SYT16: variants seen among roughly 807,000 people sequenced by gnomAD.
The protein encoded by SYT16 is synaptotagmin-16.
Under a neutral mutation model 61.4 loss-of-function variants are expected in SYT16, and 42 were observed. The observed-to-expected ratio is 0.68, with a 90% CI of 0.53 to 0.89. The LOEUF (loss-of-function observed/expected upper bound fraction) is 0.89, where lower values mean the gene tolerates loss of function less well. SYT16 is among the 40% of genes least tolerant of loss of function. The pLI, the probability that SYT16 is intolerant of heterozygous loss-of-function variation, is 0.00. For missense variants in SYT16, 804 were observed against 807.3 expected (o/e 1.00, Z 0.05); for synonymous variants, 314 against 302.3 (o/e 1.04, Z -0.40).
intron 1 of SYT16, among the ~76,000 whole-genome samples, chr14:61,925,723 T>C (rs1285393586): frequency 1.3e-5 from 2 of 152,184 alleles, no homozygotes; most frequent in East Asian, 1.9e-4. Context: ...GATGCAATGA[T>C]TATGTTCCTC....
chr14:61,895,106 G>A (rs759504683), intron 1 of SYT16, among the ~76,000 whole-genome samples: 3 of 152,138 alleles, frequency 2.0e-5, no homozygotes, highest in African/African-American at 4.8e-5. Flanking sequence ...AGTTGGTATC[G>A]TTAATGGCAT....
chr14:61,824,896 A>T (rs907505670), intron 1 of SYT16, among the ~76,000 whole-genome samples: 9 of 152,206 alleles, frequency 5.9e-5, no homozygotes, highest in Non-Finnish European at 1.3e-4. Flanking sequence ...AGGAGCTATG[A>T]CTTCATCACC....
chr14:61,921,375 A>G (rs1236937871), intron 1 of SYT16, among the ~76,000 whole-genome samples: 1 of 152,210 alleles, frequency 6.6e-6, no homozygotes, highest in Non-Finnish European at 1.5e-5. Flanking sequence ...TCAACCTGAC[A>G]GCACCTGAAA....
rs1207739486 is a variant in SYT16 at position 62,100,824 on chromosome 14, T to A, written c.*117T>A. The A allele has an allele frequency of 3.9e-6, 4 of 1,037,252 alleles. No homozygotes were observed. The highest frequency in any genetic ancestry group is 5.5e-6 in the Non-Finnish European group (4 of 732,232). The allele number at this position is 1,037,252 out of a possible 1,614,324, so 64.3% of individuals were successfully genotyped here. Reference sequence around the variant, plus strand: ...TTCAAAAACAGATTCCACTAACCCCTAGGACATTGTGAGTGGGAGTTTTGG... The same window carrying A: ...TTCAAAAACAGATTCCACTAACCCCAAGGACATTGTGAGTGGGAGTTTTGG... On this transcript the variant is annotated 3_prime_UTR_variant, in exon 8 of 8. Transcript: ENST00000683842.
intron 2 of SYT16, among the ~76,000 whole-genome samples, chr14:61,991,945 T>C (rs1156651718): frequency 4.0e-5 from 5 of 124,218 alleles, no homozygotes; most frequent in African/African-American, 1.6e-4. Flanking sequence ...CTAATAACTT[T>C]GTTCGTTCAT....
At chr14:61,967,532 T>A (rs543559473) in intron 1 of SYT16, among the ~76,000 whole-genome samples, 1 of 152,280 alleles carries the variant, frequency 6.6e-6, no homozygotes, top group South Asian at 2.1e-4. Flanking sequence ...TGGTGACTGC[T>A]GTCCACCCTT....
chr14:62,065,955 A>G lies in SYT16; in HGVS notation c.524-3648A>G, dbSNP rs191283026. On this transcript the variant is annotated intron_variant, in intron 3 of 7. Transcript: ENST00000683842. ...GTCTCTTCTGACACTTAGGTTTTCA[A>G]GCCCTACTGTGGCGTTAGATGCAGC... is the stretch of plus-strand genomic sequence containing the variant. 1.1e-4 allele frequency among the ~76,000 whole-genome samples: 16 copies of G among 152,352 alleles called. 1 individual carries two copies. Among genetic ancestry groups the G allele is most frequent in the Admixed American group, 7.8e-4 (12 of 15,302 alleles).
At chr14:61,936,293 C>T (rs2049978786) in intron 1 of SYT16, among the ~76,000 whole-genome samples, 1 of 152,022 alleles carries the variant, frequency 6.6e-6, no homozygotes, top group East Asian at 1.9e-4. Flanking sequence ...CATGAGGAGT[C>T]ATCATTTTCT....
At chr14:61,982,741 C>T (rs184130157) in intron 2 of SYT16, among the ~76,000 whole-genome samples, 49 of 152,154 alleles carry the variant, frequency 3.2e-4, no homozygotes, top group African/African-American at 1.0e-3. Flanking sequence ...GGATTTTTGA[C>T]GTAGTGGAGA....
rs2057401954 is a variant in SYT16, at chr14:62,100,769, C to T, written c.*62C>T. 2.0e-6 allele frequency: 3 copies of T among 1,521,832 alleles called. No individual in the cohort carries two copies. In the South Asian group the frequency reaches 3.9e-5, roughly 20 times the overall value. The allele number at this position is 1,521,832 out of a possible 1,614,324, so 94.3% of individuals were successfully genotyped here. On this transcript the variant is annotated 3_prime_UTR_variant, in exon 8 of 8. Transcript: ENST00000683842. ...GGTTACCTGTGTTGCTGTCTACTGA[C>T]ACTAAGTGTCCTGGCAAGGGTTTCA...
rs2049533465 is a variant in SYT16, at chr14:61,926,257, A to AGTTG, written c.-324-43874_-324-43873insTTGG. ...AGCCCAAATTAATGCAAAGAGTCAAAGAGTATGTGTTCTGTCTGGTTGAAA... is the reference window on the plus strand; with the variant it reads ...AGCCCAAATTAATGCAAAGAGTCAAAGTTGGAGTATGTGTTCTGTCTGGTTGAAA... On this transcript the variant is annotated intron_variant, in intron 1 of 7. Coordinates refer to ENST00000683842, the MANE Select transcript of SYT16 (RefSeq NM_001367656.1). 3.1e-3 allele frequency among the ~76,000 whole-genome samples: 5 copies of AGTTG among 1,590 alleles called. No individual in the cohort carries two copies. The African/African-American group carries it at 0.038, about 12-fold the overall frequency. 1.0% of individuals were successfully genotyped at this position (1,590 alleles called of 152,430 possible).
Position 61,949,030 on chromosome 14 carries a change from A to G in SYT16, c.-324-21102A>G, listed in dbSNP as rs182257838. ...TCATCTACCTAGTAGATGGATGGAA[A>G]TAGACCTTGAGAAGATCCAGCTTTT... is the stretch of plus-strand genomic sequence containing the variant. On this transcript the variant is annotated intron_variant, in intron 1 of 7. Transcript: ENST00000683842. Among the ~76,000 whole-genome samples, 7 of 152,316 alleles carry G rather than the reference A, an allele frequency of 4.6e-5. No individual in the cohort carries two copies. The East Asian group carries it at 1.2e-3, about 25-fold the overall frequency.
intron 1 of SYT16, among the ~76,000 whole-genome samples, chr14:61,959,110 T>C (rs997408547): frequency 6.6e-6 from 1 of 152,160 alleles, no homozygotes; most frequent in Non-Finnish European, 1.5e-5. Context: ...TATCTTTATC[T>C]ACCATTTTCC....
At chr14:62,085,960 A>G (rs535548241) in intron 7 of SYT16, among the ~76,000 whole-genome samples, 3 of 152,310 alleles carry the variant, frequency 2.0e-5, no homozygotes, top group Middle Eastern at 6.8e-3. Context: ...GAGATCAGGT[A>G]AAGTCTGAAC....
chr14:61,919,881 G>A (rs2049264773), intron 1 of SYT16, among the ~76,000 whole-genome samples: 1 of 1,102 alleles, frequency 9.1e-4, no homozygotes, highest in South Asian at 0.042. Context: ...CACTTGGCCA[G>A]AACTCTGTCG....
chr14:61,885,856 C>T (rs775558262), intron 1 of SYT16, among the ~76,000 whole-genome samples: 1 of 151,950 alleles, frequency 6.6e-6, no homozygotes, highest in Non-Finnish European at 1.5e-5. Flanking sequence ...CAACAGTCAT[C>T]TAAGTCTTCA....
At position 62,100,947 on chromosome 14, in the gene SYT16, A is replaced by C; in HGVS notation, c.*240A>C. On this transcript the variant is annotated 3_prime_UTR_variant, in exon 8 of 8. Transcript: ENST00000683842. ...TGGAAAATATTATACCACAATTAAGACCACTGATGAGTTAATTTGTGCCAA... is the reference window on the plus strand; with the variant it reads ...TGGAAAATATTATACCACAATTAAGCCCACTGATGAGTTAATTTGTGCCAA... 1 of 442,112 alleles carries C rather than the reference A, an allele frequency of 2.3e-6. No individual in the cohort carries two copies. Among genetic ancestry groups the C allele is most frequent in the Non-Finnish European group, 4.0e-6 (1 of 247,832 alleles). The allele number at this position is 442,112 out of a possible 1,614,324, so 27.4% of individuals were successfully genotyped here.
intron 3 of SYT16, among the ~76,000 whole-genome samples, chr14:62,003,078 G>A (rs2053085375): frequency 6.6e-6 from 1 of 152,008 alleles, no homozygotes; most frequent in Admixed American, 6.6e-5. Context: ...GGGGATTATG[G>A]GAACTGCAAT....
At chr14:62,022,129 A>G (rs533608092) in intron 3 of SYT16, among the ~76,000 whole-genome samples, 1 of 152,076 alleles carries the variant, frequency 6.6e-6, no homozygotes, top group African/African-American at 2.4e-5. Flanking sequence ...ATATCTACCT[A>G]CACATGTACT....
Sources: allele counts gnomAD v4.1 joint callset (sites outside exome capture counted in the v4.1 genomes callset), GRCh38; gene constraint gnomAD v4.1.1; transcripts MANE v1.5; gene names NCBI Gene and HGNC (gene_info 2026-07-23, HGNC 2026-07-21).